The following ADGRL2 variants were observed in gnomAD, a reference collection of about 807,000 sequenced individuals.
The protein encoded by ADGRL2 is calcium-independent alpha-latrotoxin receptor 2.
Under a neutral mutation model 157.4 loss-of-function variants are expected in ADGRL2, and 44 were observed. That is an observed-to-expected ratio of 0.28 (90% CI 0.22 to 0.36). The LOEUF (loss-of-function observed/expected upper bound fraction) is 0.36. Among genes scored for constraint, ADGRL2 ranks in the 10% least tolerant of loss-of-function variants. ADGRL2 has a pLI of 1.00. For synonymous variants in ADGRL2, 585 were observed against 624.7 expected (o/e 0.94, Z 0.95); for missense variants, 1,510 against 1,768.9 (o/e 0.85, Z 2.63).
At chr1:81,955,802 T>C (rs1224197859) in intron 10 of ADGRL2, 75 bp from the exon 11 acceptor site, 1 of 828,838 alleles carries the variant, frequency 1.2e-6, no homozygotes, top group East Asian at 2.7e-5. Flanking sequence ...ATTACAATTG[T>C]CACTCATCAG....
chr1:81,768,695 A>G (rs1452557097), intron 2 of ADGRL2, among the ~76,000 whole-genome samples: 2 of 151,418 alleles, frequency 1.3e-5, no homozygotes, highest in Non-Finnish European at 2.9e-5. Context: ...CTGGTCTCAA[A>G]CTCCCTAGCT....
chr1:81,428,408 C>A (rs528103442), intron 1 of ADGRL2, among the ~76,000 whole-genome samples: 158 of 151,924 alleles, frequency 1.0e-3, no homozygotes, highest in African/African-American at 3.8e-3. Context: ...GCAAAAGGAA[C>A]TTTCCTTCCA....
intron 2 of ADGRL2, among the ~76,000 whole-genome samples, chr1:81,853,634 A>C (rs1215474169): frequency 6.6e-6 from 1 of 152,188 alleles, no homozygotes; most frequent in Non-Finnish European, 1.5e-5. Context: ...ATTTTCAAAG[A>C]CTGTAAAAAA....
chr1:81,472,213 T>C (rs1180944766), intron 2 of ADGRL2, among the ~76,000 whole-genome samples: 1 of 152,242 alleles, frequency 6.6e-6, no homozygotes, highest in African/African-American at 2.4e-5. Flanking sequence ...CTAGATGATT[T>C]TTTTCCCCCA....
At chr1:81,781,032 A>C (rs2086791218) in intron 2 of ADGRL2, among the ~76,000 whole-genome samples, 1 of 152,206 alleles carries the variant, frequency 6.6e-6, no homozygotes, top group South Asian at 2.1e-4. Flanking sequence ...GATACAGAAA[A>C]GCTAAATATC....
At chr1:81,854,335 C>G (rs1293854954) in intron 2 of ADGRL2, among the ~76,000 whole-genome samples, 1 of 152,108 alleles carries the variant, frequency 6.6e-6, no homozygotes, top group Non-Finnish European at 1.5e-5. Context: ...TTTTCTTTCA[C>G]TGACATACCC....
At chr1:81,625,085 C>G (rs1238451813) in intron 3 of ADGRL2, among the ~76,000 whole-genome samples, 1 of 152,102 alleles carries the variant, frequency 6.6e-6, no homozygotes, top group Non-Finnish European at 1.5e-5. Context: ...CACTCTGAAA[C>G]AGAACAAGCA....
At chr1:81,649,983 T>C (rs2082381797) in intron 3 of ADGRL2, among the ~76,000 whole-genome samples, 1 of 151,548 alleles carries the variant, frequency 6.6e-6, no homozygotes, top group Non-Finnish European at 1.5e-5. Flanking sequence ...GAATTAAATG[T>C]AAAATCAATT....
intron 1 of ADGRL2, among the ~76,000 whole-genome samples, chr1:81,407,824 C>A (rs2076879470): frequency 2.0e-5 from 3 of 151,934 alleles, no homozygotes; most frequent in Admixed American, 2.0e-4. Flanking sequence ...GAGGGAGGAG[C>A]CAGAGGGTTG....
At chr1:81,972,536 T>G (rs1425885496) in intron 17 of ADGRL2, among the ~76,000 whole-genome samples, 1 of 152,152 alleles carries the variant, frequency 6.6e-6, no homozygotes, top group Non-Finnish European at 1.5e-5. Context: ...TTTTTAAACA[T>G]CTTATATTAC....
rs1340602954 is a variant in ADGRL2, at chr1:81,899,211, G to A, written c.74-7806G>A. On this transcript the variant is annotated intron_variant, in intron 2 of 23. Coordinates refer to ENST00000686636, the MANE Select transcript of ADGRL2 (RefSeq NM_001366006.2). The stretch of plus-strand genomic sequence containing the variant: ...TGGAGACTTTGTTAGAAAAGCAAAT[G>A]TTCCTCAACAAGCACTTAAAGTTTA... Among the ~76,000 whole-genome samples the A allele has an allele frequency of 2.0e-5, 3 of 152,290 alleles. No homozygotes were observed. The East Asian group carries it at 5.8e-4, about 29-fold the overall frequency.
chr1:81,521,534 C>T (rs1250491054), intron 2 of ADGRL2, among the ~76,000 whole-genome samples: 3 of 151,934 alleles, frequency 2.0e-5, no homozygotes, highest in African/African-American at 7.3e-5. Context: ...TTATACTTAC[C>T]TATATATCAT....
intron 1 of ADGRL2, among the ~76,000 whole-genome samples, chr1:81,831,687 TG>T (rs1186111304): frequency 6.6e-6 from 1 of 152,162 alleles, no homozygotes; most frequent in African/African-American, 2.4e-5. Context: ...CTAGTTTAGC[TG>T]TAATTTTTTT....
intron 11 of ADGRL2, among the ~76,000 whole-genome samples, chr1:81,960,032 T>A (rs1654829999): frequency 6.6e-6 from 1 of 152,190 alleles, no homozygotes; most frequent in Admixed American, 6.5e-5. Flanking sequence ...ACTCCTGACC[T>A]AAGGTGATCC....
intron 1 of ADGRL2, among the ~76,000 whole-genome samples, chr1:81,719,587 C>T (rs545777791): frequency 2.7e-4 from 41 of 152,158 alleles, no homozygotes; most frequent in African/African-American, 9.6e-4. Flanking sequence ...TCTCCCAAGC[C>T]CCCTTCCCAA....
chr1:81,458,904 C>T (rs2077863653), intron 2 of ADGRL2, among the ~76,000 whole-genome samples: 1 of 152,160 alleles, frequency 6.6e-6, no homozygotes, highest in Non-Finnish European at 1.5e-5. Flanking sequence ...GTTCCGGATT[C>T]TTGTCCCGCC....
chr1:81,721,221 G>T (rs1000882213), intron 1 of ADGRL2, among the ~76,000 whole-genome samples: 1 of 151,162 alleles, frequency 6.6e-6, no homozygotes, highest in African/African-American at 2.4e-5. Context: ...ACATTTATCT[G>T]TATAATTGCA....
At chr1:81,472,994 T>G (rs974964149) in intron 2 of ADGRL2, among the ~76,000 whole-genome samples, 1 of 152,116 alleles carries the variant, frequency 6.6e-6, no homozygotes, top group Admixed American at 6.6e-5. Flanking sequence ...TCAACCACTT[T>G]ATGGAAATTT....
chr1:81,941,309 T>G (rs184278562), intron 4 of ADGRL2, among the ~76,000 whole-genome samples: 16 of 151,566 alleles, frequency 1.1e-4, no homozygotes, highest in Non-Finnish European at 1.5e-5. Flanking sequence ...GGGAGAAAGG[T>G]ACTACCTTAC....
Sources: allele counts gnomAD v4.1 joint callset (sites outside exome capture counted in the v4.1 genomes callset), GRCh38; gene constraint gnomAD v4.1.1; transcripts MANE v1.5; gene names NCBI Gene and HGNC (gene_info 2026-07-23, HGNC 2026-07-21).